Variants in PALS1 observed in about 807,000 individuals in gnomAD.
PALS1 encodes protein associated with LIN7 1, MAGUK p55 family member, also known as protein PALS1.
PALS1 carries 31 observed loss-of-function variants against 78.9 expected under a neutral mutation model. That is an observed-to-expected ratio of 0.39 (90% CI 0.30 to 0.53). PALS1 has a LOEUF of 0.53. Among genes scored for constraint, PALS1 ranks in the 20% least tolerant of loss-of-function variants. PALS1 has a pLI of 0.67. For synonymous variants in PALS1, 276 were observed against 270.9 expected (o/e 1.02, Z -0.18); for missense variants, 704 against 826.5 (o/e 0.85, Z 1.82).
chr14:67,292,069 A>G (rs2084780505), intron 3 of PALS1, among the ~76,000 whole-genome samples: 1 of 152,224 alleles, frequency 6.6e-6, no homozygotes, highest in Admixed American at 6.5e-5. Flanking sequence ...AATGGTTACT[A>G]TAAATTATGG....
chr14:67,298,267 AGTTATACT>A (rs1369750488), intron 4 of PALS1, among the ~76,000 whole-genome samples: 1 of 152,214 alleles, frequency 6.6e-6, no homozygotes, highest in African/African-American at 2.4e-5. Flanking sequence ...AAGTCAAAAT[AGTTATACT>A]GTTACTAGGG....
chr14:67,320,889 A>G (rs889884792), intron 12 of PALS1, among the ~76,000 whole-genome samples, 168 bp from the exon 13 acceptor site: 2 of 152,196 alleles, frequency 1.3e-5, no homozygotes, highest in Non-Finnish European at 2.9e-5. Context: ...TCATTTTTCA[A>G]TCTACAAAAA....
chr14:67,282,320 T>G (rs2084618473), intron 3 of PALS1, among the ~76,000 whole-genome samples: 1 of 152,154 alleles, frequency 6.6e-6, no homozygotes, highest in Admixed American at 6.5e-5. Flanking sequence ...AGACAACTTC[T>G]CAGCCTTTTT....
Position 67,326,394 on chromosome 14 carries a change from C to G in PALS1, c.1851+2582C>G, listed in dbSNP as rs371298399. 5.3e-5 allele frequency among the ~76,000 whole-genome samples: 8 copies of G among 151,720 alleles called. No individual in the cohort carries two copies. In the East Asian group the frequency reaches 5.8e-4, roughly 11 times the overall value. ...TCCTAGCTTATACATATTTTTAAAG[C>G]AGGAAGTTGATCAGTACCAAAATGT... On this transcript the variant is annotated intron_variant, in intron 14 of 14. Transcript: ENST00000261681.
chr14:67,241,827 G>T (rs2083909701), intron 1 of PALS1: 1 of 151,634 alleles, frequency 6.6e-6, no homozygotes, highest in Non-Finnish European at 1.5e-5. Context: ...CGAGCCCGAG[G>T]TGCAGGGGGC....
chr14:67,324,317 TTGAC>T (rs796237547), intron 14 of PALS1, among the ~76,000 whole-genome samples: 9 of 152,340 alleles, frequency 5.9e-5, no homozygotes, highest in Non-Finnish European at 7.4e-5. Flanking sequence ...ACATTAATAA[TTGAC>T]TGATAACATG....
chr14:67,259,165 A>G (rs534001562), intron 1 of PALS1, among the ~76,000 whole-genome samples: 10 of 152,066 alleles, frequency 6.6e-5, no homozygotes, highest in African/African-American at 2.4e-4. Flanking sequence ...TAACATTGTC[A>G]TAAATGGTAC....
At position 67,246,278 on chromosome 14, in the gene PALS1, C is replaced by T. The variant is rs113092942; in HGVS notation, c.-237+4745C>T. On this transcript the variant is annotated intron_variant, in intron 1 of 14. Coordinates refer to ENST00000261681, the MANE Select transcript of PALS1 (RefSeq NM_022474.4). ...CAAGTAGCTGGGACCACAGGCGTGC[C>T]ACCGCACTTGGCTGATTTTTAAATT... Among the ~76,000 whole-genome samples, 1,062 of 151,450 alleles carry T rather than the reference C, an allele frequency of 7.0e-3. 10 individuals are homozygous for T. Among genetic ancestry groups the T allele is most frequent in the African/African-American group, 0.023 (957 of 41,248 alleles).
intron 8 of PALS1, among the ~76,000 whole-genome samples, chr14:67,307,502 C>G (rs2085022077): frequency 6.6e-6 from 1 of 152,146 alleles, no homozygotes; most frequent in East Asian, 1.9e-4. Flanking sequence ...TGATTATGTA[C>G]TCTGTGCCAG....
intron 3 of PALS1, among the ~76,000 whole-genome samples, chr14:67,282,348 A>G (rs1244258752): frequency 6.6e-6 from 1 of 152,134 alleles, no homozygotes; most frequent in Non-Finnish European, 1.5e-5. Flanking sequence ...AGAAACAGCA[A>G]CCTTATTTTA....
chr14:67,246,953 T>G (rs112454182), intron 1 of PALS1, among the ~76,000 whole-genome samples: 1,718 of 152,310 alleles, frequency 0.011, 33 homozygotes, highest in African/African-American at 0.038. Flanking sequence ...CCCAGCCTAC[T>G]ATAGCTTTAA....
At chr14:67,261,683 G>C (rs2084240146) in intron 1 of PALS1, among the ~76,000 whole-genome samples, 1 of 151,990 alleles carries the variant, frequency 6.6e-6, no homozygotes, top group Admixed American at 6.6e-5. Context: ...TGGTAGCCTA[G>C]TATCACTTTA....
chr14:67,284,804 AT>A (rs1205130183), intron 3 of PALS1, among the ~76,000 whole-genome samples: 3 of 152,104 alleles, frequency 2.0e-5, no homozygotes, highest in Non-Finnish European at 4.4e-5. Context: ...GTTCATCCAT[AT>A]TGTAGCATGA....
intron 8 of PALS1, among the ~76,000 whole-genome samples, chr14:67,304,310 A>G (rs991500049): frequency 1.3e-5 from 2 of 152,232 alleles, no homozygotes; most frequent in African/African-American, 4.8e-5. Flanking sequence ...ATCCAAAAGG[A>G]CTGAAAACAT....
chr14:67,289,943 T>A (rs1051076067), intron 3 of PALS1, among the ~76,000 whole-genome samples: 13 of 151,880 alleles, frequency 8.6e-5, no homozygotes, highest in African/African-American at 2.9e-4. Flanking sequence ...GCTAATTTTT[T>A]AAATATTTTT....
intron 1 of PALS1, among the ~76,000 whole-genome samples, chr14:67,256,797 G>GACAC (rs10654145): frequency 0.014 from 2,075 of 147,768 alleles, 51 homozygotes; most frequent in South Asian, 0.045. Context: ...AGAAACTATT[G>GACAC]ACACACACAC....
At chr14:67,255,776 C>T (rs1457168511) in intron 1 of PALS1, among the ~76,000 whole-genome samples, 1 of 152,178 alleles carries the variant, frequency 6.6e-6, no homozygotes, top group African/African-American at 2.4e-5. Flanking sequence ...TGCCCCTACC[C>T]ACCGGGGTTC....
intron 2 of PALS1, among the ~76,000 whole-genome samples, chr14:67,277,956 T>C (rs1163154464): frequency 6.6e-6 from 1 of 152,152 alleles, no homozygotes; most frequent in Non-Finnish European, 1.5e-5. Flanking sequence ...ACAGTATGAC[T>C]CTCAAAAGTT....
chr14:67,296,262 C>A lies in PALS1; in HGVS notation c.576+3543C>A, dbSNP rs117447194. ...GGTGGTAGTGAGAGAGAAAGCCTGG[C>A]AAATTTCTTGAATGCTAAGTAAGCA... On this transcript the variant is annotated intron_variant, in intron 4 of 14. Transcript: ENST00000261681. Among the ~76,000 whole-genome samples, 169 of 152,194 alleles carry A rather than the reference C, an allele frequency of 1.1e-3. 5 individuals are homozygous for A. In the East Asian group the frequency reaches 0.031, roughly 28 times the overall value.
Sources: gnomAD v4.1 joint callset for allele counts (sites outside exome capture counted in the v4.1 genomes callset) on GRCh38, gnomAD v4.1.1 for gene constraint, MANE v1.5 for transcripts, NCBI Gene and HGNC (gene_info 2026-07-23, HGNC 2026-07-21) for gene names.